UBE2D3: variants seen among roughly 807,000 people sequenced by gnomAD.
The protein encoded by UBE2D3 is ubiquitin-conjugating enzyme E2 D3.
A neutral mutation model predicts 22.8 loss-of-function variants in UBE2D3; 2 were observed. The ratio of observed to expected loss-of-function variants is 0.09; its 90% CI spans 0.04 to 0.28. The LOEUF is 0.28. UBE2D3 is among the 10% of genes least tolerant of loss of function. The pLI, the probability that UBE2D3 is intolerant of heterozygous loss-of-function variation, is 1.00. For synonymous variants in UBE2D3, 56 were observed against 60.4 expected (o/e 0.93, Z 0.34); for missense variants, 27 against 182.5 (o/e 0.15, Z 4.91).
intron 1 of UBE2D3, among the ~76,000 whole-genome samples, chr4:102,838,085 C>G (rs956861123): frequency 3.9e-5 from 6 of 152,088 alleles, no homozygotes; most frequent in Non-Finnish European, 1.5e-5. Context: ...TGCTGCTGCA[C>G]TCCTACCTGG....
At chr4:102,852,412 A>G (rs112828351) in intron 1 of UBE2D3, among the ~76,000 whole-genome samples, 1,811 of 152,328 alleles carry the variant, frequency 0.012, 20 homozygotes, top group African/African-American at 0.036. Flanking sequence ...CCTCGTATAT[A>G]TATGTTCATG....
Position 102,826,620 on chromosome 4 carries a change from C to G in UBE2D3, c.-112G>C, listed in dbSNP as rs1730545967. 2 of 1,585,760 alleles carry G rather than the reference C, an allele frequency of 1.3e-6. No individual in the cohort carries two copies. The highest frequency in any genetic ancestry group is 4.5e-5 in the East Asian group (2 of 44,762). On this transcript the variant is annotated 5_prime_UTR_variant, in exon 2 of 8. Coordinates refer to ENST00000453744, the MANE Select transcript of UBE2D3 (RefSeq NM_181891.3). ...AGGATTGTCTCGTCTCACACCAGCT[C>G]TGCCAGACACAGGCGCCTTTTGCAA...
At chr4:102,833,128 G>C (rs1731203959) in intron 1 of UBE2D3, among the ~76,000 whole-genome samples, 2 of 146,096 alleles carry the variant, frequency 1.4e-5, no homozygotes, top group Admixed American at 1.4e-4. Context: ...CATAACATTG[G>C]AAACATGTGC....
At chr4:102,863,265 G>C (rs1265076106) in intron 1 of UBE2D3, among the ~76,000 whole-genome samples, 3 of 151,986 alleles carry the variant, frequency 2.0e-5, no homozygotes, top group African/African-American at 7.3e-5. Flanking sequence ...TGGCCAGTCT[G>C]GTCTCGAACT....
chr4:102,827,262 T>A, intron 1 of UBE2D3, 165 bp downstream of exon 1: 1 of 960,322 alleles, frequency 1.0e-6, no homozygotes, highest in Non-Finnish European at 1.2e-6. Flanking sequence ...TTCCCCCTCC[T>A]CCTCCAGCAG....
At chr4:102,832,409 G>C (rs1358663317), upstream of UBE2D3, among the ~76,000 whole-genome samples, 1 of 152,074 alleles carries the variant, frequency 6.6e-6, no homozygotes, top group Non-Finnish European at 1.5e-5. Flanking sequence ...TTTTGAAGGG[G>C]ATGGGATAGA....
intron 1 of UBE2D3, among the ~76,000 whole-genome samples, chr4:102,844,894 C>T (rs781628383): frequency 2.0e-4 from 31 of 151,730 alleles, no homozygotes; most frequent in Non-Finnish European, 3.4e-4. Flanking sequence ...TGGTGGTGGG[C>T]GCCTGTAGTC....
intron 1 of UBE2D3, among the ~76,000 whole-genome samples, chr4:102,857,721 T>A (rs1167288723): frequency 6.6e-6 from 1 of 152,178 alleles, no homozygotes; most frequent in East Asian, 1.9e-4. Context: ...TGTGATGGAG[T>A]ATCACTCCCT....
intron 7 of UBE2D3, among the ~76,000 whole-genome samples, chr4:102,798,585 G>A (rs903377334): frequency 2.7e-5 from 4 of 150,524 alleles, no homozygotes; most frequent in Non-Finnish European, 4.4e-5. Flanking sequence ...ACTATCTCCC[G>A]GCAAAATTTG....
In UBE2D3 at chr4:102,806,805, TG is replaced by T. The variant is rs556662902; in HGVS notation, c.120+2866del. Among the ~76,000 whole-genome samples, 48 of 152,280 alleles carry T rather than the reference TG, an allele frequency of 3.2e-4. 1 individual carries two copies. Among genetic ancestry groups the T allele is most frequent in the Admixed American group, 3.0e-3 (46 of 15,290 alleles). On this transcript the variant is annotated intron_variant, in intron 4 of 7. Transcript: ENST00000453744. ...TTCTTCTAATTACATCAATTCTTGT[TG>T]GAAACTAACCTTAATACAGTACCCC...
chr4:102,845,636 C>T (rs975976167), intron 1 of UBE2D3, among the ~76,000 whole-genome samples: 1 of 152,170 alleles, frequency 6.6e-6, no homozygotes, highest in Non-Finnish European at 1.5e-5. Context: ...ATATGTCAAG[C>T]AGCACCTTGG....
In UBE2D3 at chr4:102,827,057, G is replaced by A. The variant is rs566008595; in HGVS notation, c.-129+370C>T. On this transcript the variant is annotated intron_variant, in intron 1 of 7. Transcript: ENST00000453744. ...CGGTTTCTGTCCAAAGGTGCGGCCG[G>A]GAAAAGGAAGGAAATAAAGGAAGGG... 17 of 990,270 alleles carry A rather than the reference G, an allele frequency of 1.7e-5. No individual in the cohort carries two copies. In the East Asian group the frequency reaches 1.2e-3, roughly 72 times the overall value. 61.3% of individuals were successfully genotyped at this position (990,270 alleles called of 1,614,324 possible). A position where few individuals can be genotyped will look rare whatever the true frequency, so the allele number is the denominator to read the frequency against.
At chr4:102,853,209 C>T (rs921020319) in intron 1 of UBE2D3, among the ~76,000 whole-genome samples, 1 of 123,764 alleles carries the variant, frequency 8.1e-6, no homozygotes, top group Non-Finnish European at 1.6e-5. Flanking sequence ...GTGGCGGGAT[C>T]TCGGCTCACT....
upstream of UBE2D3, chr4:102,827,770 G>A (rs1730822540): frequency 5.1e-6 from 5 of 986,398 alleles, no homozygotes; most frequent in Non-Finnish European, 6.0e-6. Context: ...GGACCAGGAG[G>A]GCGGGGGAGG....
intron 4 of UBE2D3, chr4:102,809,162 AC>A: frequency 3.0e-6 from 1 of 333,220 alleles, no homozygotes; most frequent in Non-Finnish European, 6.5e-6. Flanking sequence ...TTGCTTATCT[AC>A]CCAGGATAGA....
chr4:102,809,386 A>G (rs925813852), intron 4 of UBE2D3: 10 of 361,128 alleles, frequency 2.8e-5, no homozygotes, highest in Non-Finnish European at 4.7e-5. Flanking sequence ...TTCCATGACA[A>G]TGCTTTACAC....
intron 1 of UBE2D3, chr4:102,836,988 C>T (rs376567168): frequency 2.0e-5 from 3 of 152,166 alleles, no homozygotes; most frequent in African/African-American, 4.8e-5. Flanking sequence ...CTTTACTTTG[C>T]GAGATAGCAA....
intron 1 of UBE2D3, among the ~76,000 whole-genome samples, chr4:102,850,453 C>A (rs1732284644): frequency 6.6e-6 from 1 of 152,304 alleles, no homozygotes; most frequent in South Asian, 2.1e-4. Context: ...TCAGATCCCA[C>A]ACCTTACATG....
At chr4:102,862,810 G>C (rs1732960597) in intron 1 of UBE2D3, among the ~76,000 whole-genome samples, 1 of 152,108 alleles carries the variant, frequency 6.6e-6, no homozygotes, top group Non-Finnish European at 1.5e-5. Flanking sequence ...AGTCTGTTTG[G>C]GTTGCTGTAA....
Sources: allele counts gnomAD v4.1 joint callset (sites outside exome capture counted in the v4.1 genomes callset), GRCh38; gene constraint gnomAD v4.1.1; transcripts MANE v1.5; gene names NCBI Gene and HGNC (gene_info 2026-07-23, HGNC 2026-07-21).